The following ATF2 variants were observed in gnomAD, a reference collection of about 807,000 sequenced individuals.
The protein encoded by ATF2 is activating transcription factor 2.
In ATF2, 24 loss-of-function variants were observed where a neutral mutation model predicts 60.6. The observed-to-expected ratio is 0.40, with a 90% CI of 0.29 to 0.56. The LOEUF is 0.56. Ranked by LOEUF, ATF2 falls within the 20% of genes least tolerant of loss-of-function variation. ATF2 has a pLI of 0.54. For synonymous variants in ATF2, 206 were observed against 215.4 expected, an observed-to-expected ratio of 0.96 and a Z score of 0.38; for missense variants, 433 against 607.7, an observed-to-expected ratio of 0.71 and a Z score of 3.02.
intron 10 of ATF2, among the ~76,000 whole-genome samples, chr2:175,098,227 G>A (rs922123987): frequency 5.3e-5 from 8 of 152,180 alleles, no homozygotes; most frequent in African/African-American, 1.9e-4. Flanking sequence ...TTAACTGATA[G>A]AAATTGGTTT....
chr2:175,144,110 T>A (rs7560097), intron 2 of ATF2, among the ~76,000 whole-genome samples: 146,232 of 150,988 alleles, frequency 0.97, 70,930 homozygotes, highest in Non-Finnish European at 1. Flanking sequence ...CCATTTTTTT[T>A]AAAAAAAAAT....
chr2:175,111,694 A>G (rs995698381), intron 9 of ATF2, 40 bp from the exon 10 acceptor site: 5 of 1,532,108 alleles, frequency 3.3e-6, no homozygotes, highest in Non-Finnish European at 3.6e-6. Context: ...TAGAGAATAT[A>G]TTCAAAATGA....
At chr2:175,083,183 C>T (rs369251423) in intron 12 of ATF2, among the ~76,000 whole-genome samples, 1,578 of 151,622 alleles carry the variant, frequency 0.01, 26 homozygotes, top group African/African-American at 0.036. Context: ...GAGCCTGCAT[C>T]GCCAAGTCAA....
chr2:175,094,802 G>A (rs1186812831), intron 11 of ATF2, among the ~76,000 whole-genome samples: 1 of 152,084 alleles, frequency 6.6e-6, no homozygotes, highest in Non-Finnish European at 1.5e-5. Flanking sequence ...TTAGCCAAGT[G>A]CGGTGGCATG....
chr2:175,167,829 C>A, intron 1 of ATF2: 1 of 419,798 alleles, frequency 2.4e-6, no homozygotes, highest in Non-Finnish European at 5.1e-6. Context: ...ACCTAACGGT[C>A]CGGCCCAGCC....
chr2:175,150,683 A>G (rs1699254975), intron 2 of ATF2, among the ~76,000 whole-genome samples: 1 of 152,148 alleles, frequency 6.6e-6, no homozygotes, highest in Non-Finnish European at 1.5e-5. Flanking sequence ...TTTGCCCAAA[A>G]TATTTTTGAA....
At chr2:175,140,597 C>T (rs754100005) in intron 2 of ATF2, among the ~76,000 whole-genome samples, 23 of 152,032 alleles carry the variant, frequency 1.5e-4, no homozygotes, top group Middle Eastern at 3.4e-3. Flanking sequence ...TAAGTCAAAA[C>T]GTATCAAGCT....
chr2:175,136,319 C>T, intron 3 of ATF2, 93 bp downstream of exon 3: 4 of 1,213,110 alleles, frequency 3.3e-6, no homozygotes, highest in African/African-American at 1.5e-5. Flanking sequence ...GAAAAAAACA[C>T]CACAAATACT....
intron 1 of ATF2, among the ~76,000 whole-genome samples, chr2:175,154,816 G>A (rs1301148515): frequency 6.6e-6 from 1 of 152,214 alleles, no homozygotes; most frequent in Non-Finnish European, 1.5e-5. Context: ...GCTGAAATGT[G>A]CAAACACTGC....
Position 175,113,978 on chromosome 2 carries a change from A to T in ATF2, c.741+16T>A. 6.3e-7 allele frequency: 1 copy of T among 1,581,242 alleles called. No homozygotes were observed. The highest frequency in any genetic ancestry group is 2.2e-5 in the East Asian group (1 of 44,622). On this transcript the variant is annotated intron_variant, in intron 9 of 13. Transcript: ENST00000264110. ...TCAGTTTTGCGATAGAGATTTAAAT[A>T]GTCTAACTTTCTTACTGGGACTGCA...
rs41270203 is a variant in ATF2, at chr2:175,097,617, A to T, written c.829-24T>A. 7.7e-3 allele frequency: 12,438 copies of T among 1,610,632 alleles called. 69 individuals are homozygous for T. Among genetic ancestry groups the T allele is most frequent in the Middle Eastern group, 0.013 (81 of 6,054 alleles). Reference sequence around the variant, plus strand: ...CTCTGCAATGCAAACACCATTAAAAATTTTTTTTAAGTCCTTAAAGATCAT... The same window carrying T: ...CTCTGCAATGCAAACACCATTAAAATTTTTTTTTAAGTCCTTAAAGATCAT... On this transcript the variant is annotated intron_variant, in intron 10 of 13. Coordinates refer to ENST00000264110, the MANE Select transcript of ATF2 (RefSeq NM_001880.4).
intron 13 of ATF2, chr2:175,075,229 A>C (rs1004847274): frequency 5.7e-6 from 2 of 348,548 alleles, no homozygotes; most frequent in African/African-American, 4.3e-5. Context: ...AAAATGTATA[A>C]CCACATGCAT....
At chr2:175,094,244 A>T (rs1322790341) in intron 11 of ATF2, among the ~76,000 whole-genome samples, 2 of 151,934 alleles carry the variant, frequency 1.3e-5, no homozygotes, top group South Asian at 2.1e-4. Context: ...ATACAAAAAA[A>T]TTAGCTGAGC....
At chr2:175,094,150 T>C (rs1485397547) in intron 11 of ATF2, among the ~76,000 whole-genome samples, 1 of 152,128 alleles carries the variant, frequency 6.6e-6, no homozygotes, top group Non-Finnish European at 1.5e-5. Flanking sequence ...CCCAGCACTC[T>C]GGGAGGCCAA....
chr2:175,080,834 G>A, intron 12 of ATF2, 69 bp from the exon 13 acceptor site: 22 of 1,249,020 alleles, frequency 1.8e-5, no homozygotes, highest in South Asian at 7.0e-5. Context: ...AAACAAGCAA[G>A]GATTAAAGTA....
At chr2:175,093,980 A>C (rs1694729800) in intron 11 of ATF2, among the ~76,000 whole-genome samples, 1 of 152,232 alleles carries the variant, frequency 6.6e-6, no homozygotes, top group Admixed American at 6.5e-5. Context: ...AGTAAGAGAA[A>C]GAAATCTTCA....
rs1693060727 is a variant in ATF2 at position 175,073,312 on chromosome 2, C to T, written c.*1297G>A. ...GAGAAAAATGTACCTACAATCATCT[C>T]ATCAGAAACAAGCTACATCATGGAA... On this transcript the variant is annotated 3_prime_UTR_variant, in exon 14 of 14. Coordinates refer to ENST00000264110, the MANE Select transcript of ATF2 (RefSeq NM_001880.4). 2 of 152,038 alleles carry T rather than the reference C, an allele frequency of 1.3e-5. No homozygotes were observed. The highest frequency in any genetic ancestry group is 4.8e-5 in the African/African-American group (2 of 41,396). 9.4% of individuals were successfully genotyped at this position (152,038 alleles called of 1,614,324 possible).
chr2:175,142,884 T>A (rs1452672001), intron 2 of ATF2, among the ~76,000 whole-genome samples: 1 of 151,990 alleles, frequency 6.6e-6, no homozygotes, highest in Non-Finnish European at 1.5e-5. Flanking sequence ...TTTTGCTCTG[T>A]CACACAGGCT....
At chr2:175,152,608 G>C (rs1699387720) in intron 1 of ATF2, among the ~76,000 whole-genome samples, 1 of 152,200 alleles carries the variant, frequency 6.6e-6, no homozygotes, top group Non-Finnish European at 1.5e-5. Flanking sequence ...CTATTGTGCA[G>C]AATGTTGGAA....
Sources: gnomAD v4.1 joint callset for allele counts (sites outside exome capture counted in the v4.1 genomes callset) on GRCh38, gnomAD v4.1.1 for gene constraint, MANE v1.5 for transcripts, NCBI Gene and HGNC (gene_info 2026-07-23, HGNC 2026-07-21) for gene names.